Variants in AGBL1 observed in about 807,000 individuals in gnomAD.
The protein encoded by AGBL1 is AGBL carboxypeptidase 1, also known as cytosolic carboxypeptidase 4.
In AGBL1, 130 loss-of-function variants were observed where a neutral mutation model predicts 118.9. That is an observed-to-expected ratio of 1.09 (90% CI 0.95 to 1.26). The LOEUF is 1.26. Among genes scored for constraint, AGBL1 ranks in the 50% most tolerant of loss-of-function variants. The pLI is 0.00. For synonymous variants in AGBL1, 555 were observed against 478.9 expected (o/e 1.16, Z -2.08); for missense variants, 1,584 against 1,298.1 (o/e 1.22, Z -3.38).
At chr15:86,365,178 G>A (rs2080869558) in intron 17 of AGBL1, among the ~76,000 whole-genome samples, 1 of 151,900 alleles carries the variant, frequency 6.6e-6, no homozygotes, top group African/African-American at 2.4e-5. Context: ...CTGAAAAAGT[G>A]TCACAGCAAT....
intron 5 of AGBL1, among the ~76,000 whole-genome samples, chr15:86,214,355 A>G (rs1226303927): frequency 6.6e-6 from 1 of 152,218 alleles, no homozygotes; most frequent in Non-Finnish European, 1.5e-5. Flanking sequence ...GGTATAGTGA[A>G]TATTCTATTG....
chr15:86,237,012 C>T (rs1014144617), intron 6 of AGBL1, among the ~76,000 whole-genome samples: 5 of 140,970 alleles, frequency 3.5e-5, no homozygotes, highest in African/African-American at 1.3e-4. Flanking sequence ...GTGGGTGGGC[C>T]CAGTTTCTAA....
rs540977345 is a variant in AGBL1 at position 86,136,742 on chromosome 15, G to A, written c.52-5262G>A. On this transcript the variant is annotated intron_variant, in intron 1 of 22. Coordinates refer to ENST00000614907, the MANE Select transcript of AGBL1 (RefSeq NM_001386094.1). The stretch of plus-strand genomic sequence containing the variant: ...GCTGAGCCTCCAAAGGCAGAGTGAC[G>A]TAAAGGGCGTCACTTTCATACTGTG... 9.2e-5 allele frequency among the ~76,000 whole-genome samples: 14 copies of A among 152,266 alleles called. No individual in the cohort carries two copies. In the East Asian group the frequency reaches 1.2e-3, roughly 13 times the overall value.
intron 21 of AGBL1, among the ~76,000 whole-genome samples, chr15:86,610,818 G>T (rs2084645180): frequency 6.6e-6 from 1 of 151,682 alleles, no homozygotes; most frequent in Admixed American, 6.6e-5. Flanking sequence ...CCACTTTCTT[G>T]CCTTTTGTCT....
chr15:86,549,016 T>C (rs7178222), intron 20 of AGBL1, among the ~76,000 whole-genome samples: 92,978 of 151,532 alleles, frequency 0.61, 29,377 homozygotes, highest in East Asian at 0.89. Flanking sequence ...CTAGATCTCA[T>C]GAGAATTCAC....
At chr15:86,903,297 T>C (rs2080237064) in intron 22 of AGBL1, among the ~76,000 whole-genome samples, 1 of 152,098 alleles carries the variant, frequency 6.6e-6, no homozygotes, top group Non-Finnish European at 1.5e-5. Context: ...TTTTGTTTTT[T>C]ACTGAGTTCT....
intron 22 of AGBL1, among the ~76,000 whole-genome samples, chr15:86,722,645 A>C (rs1432689596): frequency 1.3e-5 from 2 of 152,258 alleles, no homozygotes; most frequent in African/African-American, 4.8e-5. Context: ...ACAAAAGCCA[A>C]AATTGACAAA....
intron 5 of AGBL1, among the ~76,000 whole-genome samples, chr15:86,185,178 G>A (rs1404233224): frequency 6.6e-6 from 1 of 152,238 alleles, no homozygotes; most frequent in Non-Finnish European, 1.5e-5. Flanking sequence ...CTGGCCATCA[G>A]AGAAATACAA....
exon 24 of AGBL1, chr15:86,988,057 T>A (rs1173419365): frequency 6.2e-7 from 1 of 1,613,796 alleles, no homozygotes; most frequent in South Asian, 1.1e-5. Context: ...TACAAACTTT[T>A]TCAAGATGAA....
At chr15:86,089,091 A>T (rs983594430) in intron 1 of AGBL1, among the ~76,000 whole-genome samples, 14 of 152,324 alleles carry the variant, frequency 9.2e-5, no homozygotes, top group Admixed American at 5.2e-4. Context: ...GGAAATAAAA[A>T]TTTTTTTGGC....
At chr15:86,201,017 G>A (rs2077899306) in intron 5 of AGBL1, among the ~76,000 whole-genome samples, 1 of 151,974 alleles carries the variant, frequency 6.6e-6, no homozygotes, top group African/African-American at 2.4e-5. Context: ...TATAGTAATA[G>A]TATAATTACA....
intron 5 of AGBL1, among the ~76,000 whole-genome samples, chr15:86,199,669 C>T (rs2077872394): frequency 6.6e-6 from 1 of 152,146 alleles, no homozygotes; most frequent in Non-Finnish European, 1.5e-5. Context: ...GATGAACTCT[C>T]CTTCTAGCTA....
At chr15:86,596,640 C>A (rs2084409922) in intron 21 of AGBL1, among the ~76,000 whole-genome samples, 1 of 152,050 alleles carries the variant, frequency 6.6e-6, no homozygotes, top group Non-Finnish European at 1.5e-5. Flanking sequence ...ATATTCAAGT[C>A]ATCATTCAAC....
At chr15:86,650,410 G>A (rs1403078972) in intron 21 of AGBL1, among the ~76,000 whole-genome samples, 1 of 152,092 alleles carries the variant, frequency 6.6e-6, no homozygotes, top group African/African-American at 2.4e-5. Flanking sequence ...TGACACTATG[G>A]GGGATATACT....
At chr15:86,122,035 A>G (rs1464760593) in intron 1 of AGBL1, among the ~76,000 whole-genome samples, 1 of 152,212 alleles carries the variant, frequency 6.6e-6, no homozygotes, top group Non-Finnish European at 1.5e-5. Context: ...ATTACAGCCC[A>G]TCATACCTAA....
At chr15:86,796,092 C>A (rs961816341) in intron 22 of AGBL1, among the ~76,000 whole-genome samples, 1 of 152,044 alleles carries the variant, frequency 6.6e-6, no homozygotes, top group African/African-American at 2.4e-5. Context: ...ACAATTATCA[C>A]CAAGTTAAAA....
rs1555422465 is a variant in AGBL1, at chr15:86,526,544, G to GTATATATATATA, written c.2685+3624_2685+3635dup. ...TGCACACAGATATGTTTGTGTCTGTGTATATATATATATATATATATATAT... is the reference window on the plus strand; with the variant it reads ...TGCACACAGATATGTTTGTGTCTGTGTATATATATATATATATATATATATATATATATATAT... On this transcript the variant is annotated intron_variant, in intron 19 of 22. Coordinates refer to ENST00000614907, the MANE Select transcript of AGBL1 (RefSeq NM_001386094.1). Among the ~76,000 whole-genome samples the GTATATATATATA allele has an allele frequency of 1.2e-3, 143 of 119,400 alleles. 2 individuals are homozygous for GTATATATATATA. The highest frequency in any genetic ancestry group is 3.9e-3 in the African/African-American group (120 of 30,440). 78.3% of individuals were successfully genotyped at this position (119,400 alleles called of 152,430 possible).
chr15:86,090,720 T>C (rs1895965592), intron 1 of AGBL1, among the ~76,000 whole-genome samples: 1 of 152,188 alleles, frequency 6.6e-6, no homozygotes, highest in South Asian at 2.1e-4. Flanking sequence ...ATAGTGAAAT[T>C]TACCAAACTT....
At chr15:86,834,715 C>T (rs1227383651) in intron 22 of AGBL1, among the ~76,000 whole-genome samples, 1 of 152,066 alleles carries the variant, frequency 6.6e-6, no homozygotes, top group Non-Finnish European at 1.5e-5. Flanking sequence ...GGACTTTGAC[C>T]CACTTCACAT....
Sources: gnomAD v4.1 joint callset for allele counts (sites outside exome capture counted in the v4.1 genomes callset) on GRCh38, gnomAD v4.1.1 for gene constraint, MANE v1.5 for transcripts, NCBI Gene and HGNC (gene_info 2026-07-23, HGNC 2026-07-21) for gene names.